ENOX1: variants seen among roughly 807,000 people sequenced by gnomAD.
ENOX1 encodes ecto-NOX disulfide-thiol exchanger 1, also known as candidate growth-related and time keeping constitutive hydroquinone (NADH) oxidase.
Under a neutral mutation model 82.5 loss-of-function variants are expected in ENOX1, and 42 were observed. The ratio of observed to expected loss-of-function variants is 0.51; its 90% CI spans 0.40 to 0.66. The LOEUF is 0.66. Ranked by LOEUF, ENOX1 falls within the 30% of genes least tolerant of loss-of-function variation. The pLI is 0.00. For missense variants in ENOX1, 608 were observed against 811.6 expected (o/e 0.75, Z 3.05); for synonymous variants, 271 against 282.2 (o/e 0.96, Z 0.40).
At chr13:43,698,103 A>G (rs970324951) in intron 1 of ENOX1, among the ~76,000 whole-genome samples, 1 of 152,228 alleles carries the variant, frequency 6.6e-6, no homozygotes, top group Non-Finnish European at 1.5e-5. Flanking sequence ...GAAGGAGATC[A>G]GAGAAAATGA....
intron 3 of ENOX1, among the ~76,000 whole-genome samples, chr13:43,467,284 C>G (rs946488661): frequency 6.6e-6 from 1 of 152,142 alleles, no homozygotes; most frequent in Non-Finnish European, 1.5e-5. Context: ...TATTGTCTGT[C>G]AATTTTAGAC....
intron 1 of ENOX1, among the ~76,000 whole-genome samples, chr13:43,703,331 T>C (rs906339935): frequency 6.6e-6 from 1 of 152,206 alleles, no homozygotes; most frequent in African/African-American, 2.4e-5. Context: ...ATAGACATTG[T>C]AGCCAACAAT....
At chr13:43,310,566 G>A (rs968394386) in intron 11 of ENOX1, among the ~76,000 whole-genome samples, 4 of 152,146 alleles carry the variant, frequency 2.6e-5, no homozygotes, top group African/African-American at 9.7e-5. Flanking sequence ...AAAGTGCTTT[G>A]TTAACATGAC....
chr13:43,576,258 A>G (rs991820952), intron 2 of ENOX1, among the ~76,000 whole-genome samples: 1 of 152,202 alleles, frequency 6.6e-6, no homozygotes, highest in African/African-American at 2.4e-5. Flanking sequence ...GGAGGGAAGC[A>G]TGCAATCTTC....
At chr13:43,308,992 C>T (rs2047029021) in intron 11 of ENOX1, among the ~76,000 whole-genome samples, 1 of 150,812 alleles carries the variant, frequency 6.6e-6, no homozygotes, top group Non-Finnish European at 1.5e-5. Context: ...CAAGGTACTT[C>T]AAGGGCCCTC....
chr13:43,273,219 A>G (rs1436559343), intron 12 of ENOX1, among the ~76,000 whole-genome samples: 3 of 151,986 alleles, frequency 2.0e-5, no homozygotes, highest in Admixed American at 6.6e-5. Flanking sequence ...TGGCCCTTTC[A>G]TCACCTTCAC....
At chr13:43,509,144 C>G (rs1026262695) in intron 2 of ENOX1, among the ~76,000 whole-genome samples, 1 of 151,892 alleles carries the variant, frequency 6.6e-6, no homozygotes, top group African/African-American at 2.4e-5. Context: ...TATTTTAGAA[C>G]AGATGACAAA....
At chr13:43,246,404 C>T (rs545959176) in intron 14 of ENOX1, among the ~76,000 whole-genome samples, 5 of 152,338 alleles carry the variant, frequency 3.3e-5, no homozygotes, top group Admixed American at 6.5e-5. Context: ...CTAGCTCACT[C>T]AGGAGCCAGC....
intron 2 of ENOX1, among the ~76,000 whole-genome samples, chr13:43,565,638 A>C (rs1433194524): frequency 6.6e-6 from 1 of 152,144 alleles, no homozygotes; most frequent in Non-Finnish European, 1.5e-5. Context: ...AATTTCAGTT[A>C]AGTTTAGTTA....
intron 1 of ENOX1, among the ~76,000 whole-genome samples, chr13:43,694,712 A>T (rs1234482166): frequency 6.6e-6 from 1 of 152,208 alleles, no homozygotes; most frequent in Admixed American, 6.5e-5. Context: ...AGATGTGGTT[A>T]AAGCAGTCAC....
At chr13:43,783,403 G>A (rs1952388978) in intron 1 of ENOX1, among the ~76,000 whole-genome samples, 2 of 152,022 alleles carry the variant, frequency 1.3e-5, no homozygotes, top group South Asian at 2.1e-4. Flanking sequence ...CAAATGTTAT[G>A]TAAATAAAAA....
intron 8 of ENOX1, among the ~76,000 whole-genome samples, chr13:43,355,378 T>A (rs2050080942): frequency 6.6e-6 from 1 of 152,242 alleles, no homozygotes; most frequent in African/African-American, 2.4e-5. Context: ...TCCCTTCAAC[T>A]GCATCTCTGA....
rs529387163 is a variant in ENOX1 at position 43,243,658 on chromosome 13, C to T, written c.1612-6920G>A. On this transcript the variant is annotated intron_variant, in intron 14 of 16. Transcript: ENST00000690772. Reference sequence around the variant, plus strand: ...TTGTCTCTGCCTCTAGGCTCTTCCTCTTCCAGTCTATCTTACATAATACCA... The same window carrying T: ...TTGTCTCTGCCTCTAGGCTCTTCCTTTTCCAGTCTATCTTACATAATACCA... Among the ~76,000 whole-genome samples, 230 of 152,336 alleles carry T rather than the reference C, an allele frequency of 1.5e-3. 2 individuals are homozygous for T. The highest frequency in any genetic ancestry group is 3.7e-4 in the Non-Finnish European group (25 of 68,034).
chr13:43,505,813 T>C (rs964698576), intron 2 of ENOX1, among the ~76,000 whole-genome samples: 2 of 152,146 alleles, frequency 1.3e-5, no homozygotes. Flanking sequence ...GTTTTAGACA[T>C]GAAGTCCTTG....
intron 15 of ENOX1, among the ~76,000 whole-genome samples, chr13:43,233,714 G>C (rs750643997): frequency 4.7e-5 from 7 of 150,414 alleles, no homozygotes; most frequent in Admixed American, 6.6e-5. Context: ...GCCCCAAGAG[G>C]GCACTGATCA....
At chr13:43,426,735 G>T (rs1032408903) in intron 3 of ENOX1, among the ~76,000 whole-genome samples, 2 of 152,116 alleles carry the variant, frequency 1.3e-5, no homozygotes, top group African/African-American at 4.8e-5. Flanking sequence ...CGGCAATTAG[G>T]ATGATGATTT....
intron 2 of ENOX1, among the ~76,000 whole-genome samples, chr13:43,492,328 G>A (rs2076648513): frequency 6.6e-6 from 1 of 152,160 alleles, no homozygotes; most frequent in Non-Finnish European, 1.5e-5. Context: ...CTGAAGCCTT[G>A]TGAGAGACCC....
chr13:43,451,634 A>T (rs1415794789), intron 3 of ENOX1, among the ~76,000 whole-genome samples: 1 of 152,318 alleles, frequency 6.6e-6, no homozygotes, highest in Non-Finnish European at 1.5e-5. Context: ...TGTTTTTATT[A>T]AAAAAGATAC....
chr13:43,282,311 G>A (rs1169436386), intron 12 of ENOX1, among the ~76,000 whole-genome samples: 2 of 152,006 alleles, frequency 1.3e-5, no homozygotes, highest in Non-Finnish European at 2.9e-5. Context: ...ACTGAGCCTG[G>A]CCTATAATTT....
Sources: gnomAD v4.1 joint callset for allele counts (sites outside exome capture counted in the v4.1 genomes callset) on GRCh38, gnomAD v4.1.1 for gene constraint, MANE v1.5 for transcripts, NCBI Gene and HGNC (gene_info 2026-07-23, HGNC 2026-07-21) for gene names.